The following LAMA5 variants were observed in gnomAD, a reference collection of about 807,000 sequenced individuals.
LAMA5 encodes laminin subunit alpha-5.
A neutral mutation model predicts 433.4 loss-of-function variants in LAMA5; 260 were observed. The observed-to-expected ratio is 0.60, with a 90% CI of 0.54 to 0.66. The LOEUF is 0.66. LAMA5 is among the 30% of genes least tolerant of loss of function. LAMA5 has a pLI of 0.00. For missense variants in LAMA5, 5,378 were observed against 5,258.5 expected (o/e 1.02, Z -0.70); for synonymous variants, 2,620 against 2,226.6 (o/e 1.18, Z -4.97).
chr20:62,364,798 T>C (rs531656772), intron 1 of LAMA5, among the ~76,000 whole-genome samples: 30 of 152,336 alleles, frequency 2.0e-4, no homozygotes, highest in African/African-American at 6.7e-4. Flanking sequence ...GCCCAGCTAA[T>C]GTGCATCTCC....
At position 62,346,809 on chromosome 20, in the gene LAMA5, A is replaced by T. The variant is rs41284994; in HGVS notation, c.1073-9T>A. On this transcript the variant is annotated splice_polypyrimidine_tract_variant and intron_variant, in intron 7 of 79. Coordinates refer to ENST00000252999, the MANE Select transcript of LAMA5 (RefSeq NM_005560.6). ...GCCGTAGCAGTTACAGGCTAGAGAG[A>T]GGGGAGCGCAGCTGTTGGCACGCCC... is the stretch of plus-strand genomic sequence containing the variant. 2.7e-5 allele frequency: 43 copies of T among 1,610,474 alleles called. No homozygotes were observed. The highest frequency in any genetic ancestry group is 8.4e-5 in the Admixed American group (5 of 59,722).
In LAMA5 at chr20:62,309,263, C is replaced by G. The variant is rs1468879712; in HGVS notation, c.*73G>C. The G allele has an allele frequency of 2.7e-6, 4 of 1,473,812 alleles. No homozygotes were observed. The highest frequency in any genetic ancestry group is 2.8e-6 in the Non-Finnish European group (3 of 1,086,762). The allele number at this position is 1,473,812 out of a possible 1,614,324, so 91.3% of individuals were successfully genotyped here. A position where few individuals can be genotyped will look rare whatever the true frequency, so the allele number is the denominator to read the frequency against. On this transcript the variant is annotated 3_prime_UTR_variant, in exon 80 of 80. Coordinates refer to ENST00000252999, the MANE Select transcript of LAMA5 (RefSeq NM_005560.6). ...GTAGAGCTTAGAGTCCAAATAGACACCTATGAGGCGAGCACAAGGGGCGGT... is the reference window on the plus strand; with the variant it reads ...GTAGAGCTTAGAGTCCAAATAGACAGCTATGAGGCGAGCACAAGGGGCGGT...
rs1439078405 is a variant in LAMA5, at chr20:62,313,242, G to T, written c.8801C>A (p.Ser2934Ter). 2 of 1,379,486 alleles carry T rather than the reference G, an allele frequency of 1.4e-6. No homozygotes were observed. The highest frequency in any genetic ancestry group is 9.6e-7 in the Non-Finnish European group (1 of 1,043,286). 85.5% of individuals were successfully genotyped at this position (1,379,486 alleles called of 1,614,324 possible). A position where few individuals can be genotyped will look rare whatever the true frequency, so the allele number is the denominator to read the frequency against. The change falls in exon 65 of 80, where the codon TCG becomes TAG. Residue 2934 changes from serine (S) to a stop codon, truncating the protein, a stop_gained. Transcript: ENST00000252999. LOFTEE classifies it high-confidence loss of function. The stretch of plus-strand genomic sequence containing the variant: ...GTCCGTGAGCCACGGGTCCCCGGTC[G>T]ACTTGGAGCTGCAGGTCGGAGATTC... ...AVDRPCARSK[S>*]TGDPWLTDGS...
intron 45 of LAMA5, 46 bp from the exon 46 acceptor site, chr20:62,322,804 C>A (rs748603854): frequency 6.3e-6 from 8 of 1,276,398 alleles, no homozygotes; most frequent in East Asian, 2.8e-5. Flanking sequence ...TCTCACCCCC[C>A]CAGGGAGCCC....
chr20:62,332,611 G>A lies in LAMA5; in HGVS notation c.3389C>T (p.Thr1130Ile), dbSNP rs891423839. 4 of 1,603,436 alleles carry A rather than the reference G, an allele frequency of 2.5e-6. No individual in the cohort carries two copies. Among genetic ancestry groups the A allele is most frequent in the East Asian group, 2.2e-5 (1 of 44,592 alleles). ...CCCCTGCTGGGGGGCCCGCTGTGGG[G>A]TGTGCACGGCCACGCCCACCTCCTG... Reference protein sequence around the residue: ...ARQEVGVAVHTPQRAPQQGLL... With the variant: ...ARQEVGVAVHIPQRAPQQGLL... Residue 1130 changes from threonine (T) to isoleucine (I), a missense_variant, in exon 27 of 80, where the codon ACC becomes ATC. By Grantham distance (89) the Thr-to-Ile change is moderately conservative. Transcript: ENST00000252999.
At position 62,320,499 on chromosome 20, in the gene LAMA5, G is replaced by A. The variant is rs571053584; in HGVS notation, c.6759+60C>T. The A allele has an allele frequency of 2.0e-4, 267 of 1,315,844 alleles. 1 individual carries two copies. The South Asian group carries it at 2.6e-3, about 13-fold the overall frequency. 81.5% of individuals were successfully genotyped at this position (1,315,844 alleles called of 1,614,324 possible). A position where few individuals can be genotyped will look rare whatever the true frequency, so the allele number is the denominator to read the frequency against. ...TAACATCTGCTGAATGAGGACAAGC[G>A]AACCGCGGGGAACACAGGTGAAAGC... On this transcript the variant is annotated intron_variant, in intron 50 of 79. Coordinates refer to ENST00000252999, the MANE Select transcript of LAMA5 (RefSeq NM_005560.6).
chr20:62,337,805 G>T lies in LAMA5; in HGVS notation c.2025C>A (p.Val675=). Residue 675 remains valine (V), a splice_region_variant and synonymous_variant, in exon 15 of 80, where the codon GTC becomes GTA. Coordinates refer to ENST00000252999, the MANE Select transcript of LAMA5 (RefSeq NM_005560.6). ...SPGFHGFPSC[V]PCHCSAEGSL... ...ACCACTTCCTCCCTAGGCACTCACG[G>T]ACACAGCTGGGGAAGCCGTGAAAGC... is the stretch of plus-strand genomic sequence containing the variant. 2.5e-6 allele frequency: 4 copies of T among 1,612,432 alleles called. No individual in the cohort carries two copies. The highest frequency in any genetic ancestry group is 3.4e-6 in the Non-Finnish European group (4 of 1,179,726).
chr20:62,337,979 G>A, intron 14 of LAMA5, 37 bp downstream of exon 14: 1 of 1,596,356 alleles, frequency 6.3e-7, no homozygotes, highest in Non-Finnish European at 8.6e-7. Context: ...CGCCATGTGG[G>A]TGGCAGAACC....
At chr20:62,316,138 C>T (rs773255618) in intron 57 of LAMA5, 80 bp from the exon 58 acceptor site, 197 of 944,622 alleles carry the variant, frequency 2.1e-4, no homozygotes, top group Middle Eastern at 2.1e-4. Flanking sequence ...CTTCTGACCC[C>T]AGGAGGACCA....
In LAMA5 at chr20:62,310,316, G is replaced by A. The variant is rs545263322; in HGVS notation, c.10601-5C>T. 20 of 1,596,796 alleles carry A rather than the reference G, an allele frequency of 1.3e-5. No individual in the cohort carries two copies. Among genetic ancestry groups the A allele is most frequent in the East Asian group, 1.1e-4 (5 of 44,648 alleles). On this transcript the variant is annotated splice_polypyrimidine_tract_variant and splice_region_variant and intron_variant, in intron 76 of 79. Transcript: ENST00000252999. ...GCAGTGTAGCTCCTGGGAGGTCTGC[G>A]GGGAGGGGTTGTGATGGAGAAGAAA...
In LAMA5 at chr20:62,315,170, C is replaced by T. The variant is rs779958403; in HGVS notation, c.7905G>A (p.Val2635=). The T allele has an allele frequency of 2.5e-5, 41 of 1,611,070 alleles. No individual in the cohort carries two copies. Among genetic ancestry groups the T allele is most frequent in the African/African-American group, 4.0e-5 (3 of 75,040 alleles). Residue 2635 remains valine (V), a synonymous_variant, in exon 59 of 80, where the codon GTG becomes GTA. Transcript: ENST00000252999. ...TGGCGGTGTCCTGGGCTTCAGCAGC[C>T]ACAGCCTTGGCATGTGCGATCTTCT... The part of the protein sequence containing the change: ...TSKKIAHAKA[V]AAEAQDTATR...
At chr20:62,323,424 C>G in intron 45 of LAMA5, 32 bp downstream of exon 45, 2 of 1,499,144 alleles carry the variant, frequency 1.3e-6, no homozygotes, top group Non-Finnish European at 1.8e-6. Context: ...GCAACCCTCC[C>G]CAGGGTGCAT....
chr20:62,355,733 C>T (rs1340372150), intron 2 of LAMA5, among the ~76,000 whole-genome samples: 2 of 151,744 alleles, frequency 1.3e-5, no homozygotes, highest in Non-Finnish European at 2.9e-5. Flanking sequence ...CCCAGCCCCA[C>T]ACCCGGGCCT....
Position 62,317,327 on chromosome 20 carries a change from C to T in LAMA5, c.7511+18G>A, listed in dbSNP as rs966336086. 6 of 1,595,242 alleles carry T rather than the reference C, an allele frequency of 3.8e-6. No homozygotes were observed. The highest frequency in any genetic ancestry group is 1.1e-5 in the South Asian group (1 of 89,348). On this transcript the variant is annotated intron_variant, in intron 55 of 79. Coordinates refer to ENST00000252999, the MANE Select transcript of LAMA5 (RefSeq NM_005560.6). ...TCCCCAGGGTGGGCCCAGGGCCCCT[C>T]CTCTCCTGGCCACCCACCTGGACAG... is the stretch of plus-strand genomic sequence containing the variant.
rs773978126 is a variant in LAMA5, at chr20:62,329,000, A to G, written c.4291T>C (p.Tyr1431His). The change falls in exon 34 of 80, where the codon TAT becomes CAT. Residue 1431 changes from tyrosine to histidine, a missense_variant. Transcript: ENST00000252999. ...RNAAASLSLF[Y>H]NNGARPCGCH... ...CCACATGGACGGGCTCCGTTGTTAT[A>G]GAAGAGGGAGAGGGAAGCAGCAGCG... The G allele has an allele frequency of 1.2e-6, 2 of 1,612,664 alleles. No homozygotes were observed. Among genetic ancestry groups the G allele is most frequent in the Admixed American group, 1.7e-5 (1 of 60,006 alleles).
intron 70 of LAMA5, 32 bp from the exon 71 acceptor site, chr20:62,311,816 T>TTGGCCCC: frequency 1.3e-4 from 196 of 1,520,546 alleles, no homozygotes; most frequent in Middle Eastern, 3.9e-4. Flanking sequence ...GCTCGGTTTT[T>TTGGCCCC]CCCCACCCTG....
chr20:62,314,963 C>T lies in LAMA5; in HGVS notation c.8048-16G>A, dbSNP rs1265546733. On this transcript the variant is annotated splice_polypyrimidine_tract_variant and intron_variant, in intron 59 of 79. Transcript: ENST00000252999. ...AGGGTGGACACTGCAGAGAGGGAGACCTGAGACCTTTGCCCCCCACCGTGC... is the reference window on the plus strand; with the variant it reads ...AGGGTGGACACTGCAGAGAGGGAGATCTGAGACCTTTGCCCCCCACCGTGC... 3 of 1,586,124 alleles carry T rather than the reference C, an allele frequency of 1.9e-6. No homozygotes were observed. The highest frequency in any genetic ancestry group is 1.7e-6 in the Non-Finnish European group (2 of 1,169,956).
At chr20:62,309,540 C>T in intron 79 of LAMA5, 65 bp from the exon 80 acceptor site, 1 of 1,342,918 alleles carries the variant, frequency 7.4e-7, no homozygotes, top group Non-Finnish European at 9.8e-7. Context: ...CAGGCCCTTC[C>T]CAAACGTCAG....
intron 11 of LAMA5, among the ~76,000 whole-genome samples, chr20:62,344,640 G>T (rs1983079929): frequency 6.6e-6 from 1 of 151,984 alleles, no homozygotes; most frequent in African/African-American, 2.4e-5. Context: ...GTAGAAATGG[G>T]GTTTCACCAT....
Sources: allele counts gnomAD v4.1 joint callset (sites outside exome capture counted in the v4.1 genomes callset), GRCh38; gene constraint gnomAD v4.1.1; transcripts MANE v1.5; gene names NCBI Gene and HGNC (gene_info 2026-07-23, HGNC 2026-07-21).